Variants in PDZD9 observed in about 807,000 individuals in gnomAD.
The protein encoded by PDZD9 is PDZ domain containing 9.
PDZD9 carries 13 observed loss-of-function variants against 16.3 expected under a neutral mutation model. That is an observed-to-expected ratio of 0.80 (90% CI 0.52 to 1.27). The LOEUF is 1.27. PDZD9 is among the 50% of genes most tolerant of loss of function. PDZD9 has a pLI of 0.00. For synonymous variants in PDZD9, 120 were observed against 111.0 expected (o/e 1.08, Z -0.51); for missense variants, 288 against 310.9 (o/e 0.93, Z 0.55).
downstream of PDZD9, among the ~76,000 whole-genome samples, chr16:21,982,130 G>A (rs375601990): frequency 4.6e-5 from 7 of 151,900 alleles, no homozygotes; most frequent in East Asian, 9.7e-4. Flanking sequence ...GTGAATCAAC[G>A]CGCCCAGCCC....
downstream of PDZD9, chr16:21,983,022 G>T: frequency 7.6e-7 from 1 of 1,307,612 alleles, no homozygotes; most frequent in Non-Finnish European, 1.1e-6. Context: ...GACAAAATAA[G>T]TTCGCCTGCT....
chr16:21,976,016 C>T, the PDZD9 span: 1 of 544,562 alleles, frequency 1.8e-6, no homozygotes, highest in South Asian at 2.6e-5. Flanking sequence ...AATAAGGAAC[C>T]CATAGTGATG....
At chr16:21,974,064 T>A in the PDZD9 span, 1 of 1,217,432 alleles carries the variant, frequency 8.2e-7, no homozygotes, top group Non-Finnish European at 1.2e-6. Context: ...ATATGGAATG[T>A]TTGAATGCAG....
At chr16:21,959,975 A>G in the PDZD9 span, among the ~76,000 whole-genome samples, 1 of 152,204 alleles carries the variant, frequency 6.6e-6, no homozygotes, top group East Asian at 1.9e-4. Flanking sequence ...TTGTTCATTT[A>G]CAGAGCATAG....
At chr16:21,998,936 C>A in intron 1 of PDZD9, 1 of 228,626 alleles carries the variant, frequency 4.4e-6, no homozygotes, top group Non-Finnish European at 1.0e-5. Context: ...GAAGACTTCT[C>A]ACACTATGGC....
chr16:21,976,077 C>A, the PDZD9 span: 1 of 804,142 alleles, frequency 1.2e-6, no homozygotes, highest in Non-Finnish European at 2.1e-6. Flanking sequence ...AACCTTCCAT[C>A]TGTGTTTTTG....
the PDZD9 span, among the ~76,000 whole-genome samples, chr16:21,961,728 T>C: frequency 6.8e-6 from 1 of 147,182 alleles, no homozygotes; most frequent in African/African-American, 2.5e-5. Context: ...CTTGGCTCAC[T>C]GTAACCTCCG....
chr16:21,986,351 ATCTTT>A (rs967736576), intron 3 of PDZD9, among the ~76,000 whole-genome samples: 4 of 152,094 alleles, frequency 2.6e-5, no homozygotes, highest in African/African-American at 9.7e-5. Context: ...GTACTGTTCT[ATCTTT>A]TCTTTGCTTT....
chr16:21,978,530 C>A, the PDZD9 span, among the ~76,000 whole-genome samples: 1 of 152,130 alleles, frequency 6.6e-6, no homozygotes, highest in Admixed American at 6.5e-5. Flanking sequence ...CTGCCTTTTC[C>A]ATCATACCCT....
At chr16:21,973,686 A>C in the PDZD9 span, among the ~76,000 whole-genome samples, 1 of 152,222 alleles carries the variant, frequency 6.6e-6, no homozygotes, top group Non-Finnish European at 1.5e-5. Flanking sequence ...CATTTTAGAA[A>C]TATTTAAATG....
chr16:21,987,449 TAA>T (rs1008009994), intron 3 of PDZD9, among the ~76,000 whole-genome samples: 1 of 151,914 alleles, frequency 6.6e-6, no homozygotes, highest in African/African-American at 2.4e-5. Context: ...GTTTTGGTGA[TAA>T]TACAGTTTGA....
downstream of PDZD9, chr16:21,983,155 T>C (rs1327418643): frequency 1.9e-6 from 3 of 1,613,992 alleles, no homozygotes; most frequent in South Asian, 1.1e-5. Flanking sequence ...CATACACCTT[T>C]TGTTGATGAG....
At chr16:21,969,648 A>AT in the PDZD9 span, among the ~76,000 whole-genome samples, 2,802 of 152,272 alleles carry the variant, frequency 0.018, 41 homozygotes, top group Non-Finnish European at 0.031. Flanking sequence ...CATTTGTAAT[A>AT]TTTTTTGTTT....
downstream of PDZD9, among the ~76,000 whole-genome samples, chr16:21,981,058 A>G (rs1734365699): frequency 6.6e-6 from 1 of 152,226 alleles, no homozygotes; most frequent in Admixed American, 6.5e-5. Context: ...GATGACTAGA[A>G]GTAAAGAAGA....
chr16:21,960,309 T>G, the PDZD9 span, among the ~76,000 whole-genome samples: 4 of 152,258 alleles, frequency 2.6e-5, no homozygotes, highest in Non-Finnish European at 2.9e-5. Flanking sequence ...GAAGATGGCT[T>G]CTTTCCTTAA....
chr16:21,995,927 C>T (rs550477957), intron 2 of PDZD9, among the ~76,000 whole-genome samples: 1 of 152,260 alleles, frequency 6.6e-6, no homozygotes, highest in African/African-American at 2.4e-5. Context: ...AAGTAGCTGG[C>T]ATTACAGGCA....
At chr16:21,996,184 C>T in intron 2 of PDZD9, 138 bp downstream of exon 2, 1 of 1,121,302 alleles carries the variant, frequency 8.9e-7, no homozygotes, top group East Asian at 2.6e-5. Flanking sequence ...CCTTGGCCTC[C>T]CAAAGTGCTG....
chr16:21,984,558 C>A lies in PDZD9; in HGVS notation c.504G>T (p.Pro168=). The A allele has an allele frequency of 6.3e-7, 1 of 1,590,966 alleles. No individual in the cohort carries two copies. ...LDKRLQYYRY[P]WSTVHHPARR... ...TTGCAGGGTGATGCACAGTTGACCA[C>A]GGATATCTATAATATTGAAGTCTTT... is the stretch of plus-strand genomic sequence containing the variant. The change falls in exon 4 of 4, where the codon CCG becomes CCT. Residue 168 remains proline (P), a synonymous_variant. Coordinates refer to ENST00000424898, the MANE Select transcript of PDZD9 (RefSeq NM_001363519.1).
chr16:21,978,736 A>C, the PDZD9 span, among the ~76,000 whole-genome samples: 7 of 152,358 alleles, frequency 4.6e-5, no homozygotes, highest in African/African-American at 7.2e-5. Flanking sequence ...CTGAAGAAAT[A>C]GAATGGAGGC....
Sources: allele counts gnomAD v4.1 joint callset (sites outside exome capture counted in the v4.1 genomes callset), GRCh38; gene constraint gnomAD v4.1.1; transcripts MANE v1.5; gene names NCBI Gene and HGNC (gene_info 2026-07-23, HGNC 2026-07-21).